Variants in GANC observed in about 807,000 individuals in gnomAD.
GANC encodes neutral alpha-glucosidase C.
A neutral mutation model predicts 124.2 loss-of-function variants in GANC; 117 were observed. The ratio of observed to expected loss-of-function variants is 0.94; its 90% confidence interval spans 0.81 to 1.10. The LOEUF (loss-of-function observed/expected upper bound fraction) is 1.10, where lower values mean the gene tolerates loss of function less well. Among genes scored for constraint, GANC ranks in the 50% least tolerant of loss-of-function variants. The pLI is 0.00. For missense variants in GANC, 1,140 were observed against 1,095.0 expected (o/e 1.04, Z -0.58); for synonymous variants, 377 against 376.8 (o/e 1.00, Z -0.01).
At chr15:42,296,695 C>G (rs758731131) in intron 5 of GANC, among the ~76,000 whole-genome samples, 26 of 152,002 alleles carry the variant, frequency 1.7e-4, no homozygotes, top group Non-Finnish European at 3.5e-4. Context: ...ACCCAGACTC[C>G]TTGGGGTTTT....
In GANC at chr15:42,273,539, C is replaced by A. The variant is rs1033931920; in HGVS notation, c.-943C>A. ...TTGTTTGCTGTGCGGCGTAGCGGCC[C>A]CTCTCTCAGACAGTCGTCTGTGCGC... On this transcript the variant is annotated 5_prime_UTR_variant, in exon 1 of 24. Coordinates refer to ENST00000318010, the MANE Select transcript of GANC (RefSeq NM_198141.3). 6 of 1,411,270 alleles carry A rather than the reference C, an allele frequency of 4.3e-6. No homozygotes were observed. The African/African-American group carries it at 4.3e-5, about 10-fold the overall frequency. 87.4% of individuals were successfully genotyped at this position (1,411,270 alleles called of 1,614,324 possible).
At position 42,345,784 on chromosome 15, in the gene GANC, T is replaced by C; in HGVS notation, c.2256T>C (p.Ala752=). The change falls in exon 20 of 24, where the codon GCT becomes GCC. Residue 752 remains alanine, a synonymous_variant. Transcript: ENST00000318010. ...TCTGGTATGACTATAAGACATTTGC[T>C]CATTGGGAAGGAGGGTGTACTGTAA... ...NEVWYDYKTF[A]HWEGGCTVKI... is the part of the protein sequence containing the mutation. 2 of 1,612,556 alleles carry C rather than the reference T, an allele frequency of 1.2e-6. No homozygotes were observed. Among genetic ancestry groups the C allele is most frequent in the Non-Finnish European group, 1.7e-6 (2 of 1,178,666 alleles).
intron 5 of GANC, among the ~76,000 whole-genome samples, chr15:42,296,644 T>C (rs917397158): frequency 2.0e-5 from 3 of 152,270 alleles, no homozygotes; most frequent in Non-Finnish European, 4.4e-5. Flanking sequence ...CTACCCGCAT[T>C]GGCCTCCCAA....
At chr15:42,305,023 G>T (rs1321832411) in intron 6 of GANC, among the ~76,000 whole-genome samples, 1 of 122,130 alleles carries the variant, frequency 8.2e-6, no homozygotes, top group Non-Finnish European at 1.7e-5. Flanking sequence ...GAAAACGTAG[G>T]CAATACCATT....
At chr15:42,343,750 G>A (rs1345531749) in intron 19 of GANC, among the ~76,000 whole-genome samples, 1 of 152,164 alleles carries the variant, frequency 6.6e-6, no homozygotes, top group Non-Finnish European at 1.5e-5. Flanking sequence ...CCAGCGGTCT[G>A]CAGGCAGAGA....
intron 8 of GANC, among the ~76,000 whole-genome samples, chr15:42,309,201 G>A (rs1234294188): frequency 6.6e-6 from 1 of 152,196 alleles, no homozygotes; most frequent in Non-Finnish European, 1.5e-5. Flanking sequence ...TTTCAGGTAG[G>A]CACAGTGGCA....
chr15:42,336,691 T>C (rs1236461746), intron 15 of GANC, among the ~76,000 whole-genome samples: 2 of 152,126 alleles, frequency 1.3e-5, no homozygotes, highest in Non-Finnish European at 2.9e-5. Context: ...ATAGAGTTAA[T>C]AGACAATCTA....
intron 6 of GANC, among the ~76,000 whole-genome samples, chr15:42,303,539 C>T (rs2051966115): frequency 6.6e-6 from 1 of 151,776 alleles, no homozygotes; most frequent in Non-Finnish European, 1.5e-5. Flanking sequence ...CTAAATATCC[C>T]AATTAAAAGA....
chr15:42,320,701 G>A (rs140077024), intron 10 of GANC, among the ~76,000 whole-genome samples: 4,685 of 150,632 alleles, frequency 0.031, 101 homozygotes, highest in Non-Finnish European at 0.047. Context: ...CACCCACCCC[G>A]GCCTCCCAAA....
intron 11 of GANC, among the ~76,000 whole-genome samples, chr15:42,324,418 A>G (rs115735926): frequency 0.011 from 1,665 of 152,272 alleles, 26 homozygotes; most frequent in African/African-American, 0.037. Context: ...TGATCCAGCA[A>G]TTCCACTTGT....
At chr15:42,307,325 T>C (rs2052007430) in intron 7 of GANC, among the ~76,000 whole-genome samples, 1 of 138,074 alleles carries the variant, frequency 7.2e-6, no homozygotes, top group Admixed American at 8.4e-5. Context: ...TGTAACATCA[T>C]CATCTTTTTA....
intron 11 of GANC, among the ~76,000 whole-genome samples, chr15:42,325,566 AAT>A (rs1268742081): frequency 6.6e-6 from 1 of 152,096 alleles, no homozygotes; most frequent in East Asian, 1.9e-4. Context: ...TAGTTTCTTT[AAT>A]GTTTGCTTAT....
chr15:42,318,020 A>G (rs568363549), intron 10 of GANC, among the ~76,000 whole-genome samples: 124 of 152,262 alleles, frequency 8.1e-4, no homozygotes, highest in African/African-American at 2.8e-3. Context: ...TCAATATTCA[A>G]TGTTTACATT....
chr15:42,327,710 A>G (rs1290990145), intron 13 of GANC, among the ~76,000 whole-genome samples: 1 of 152,172 alleles, frequency 6.6e-6, no homozygotes, highest in African/African-American at 2.4e-5. Flanking sequence ...GAGGTTTATT[A>G]TATTTTCAAA....
chr15:42,352,669 T>C lies in GANC; in HGVS notation c.*530T>C, dbSNP rs1470842658. 2 of 985,946 alleles carry C rather than the reference T, an allele frequency of 2.0e-6. No individual in the cohort carries two copies. The highest frequency in any genetic ancestry group is 2.4e-6 in the Non-Finnish European group (2 of 830,004). 61.1% of individuals were successfully genotyped at this position (985,946 alleles called of 1,614,324 possible). On this transcript the variant is annotated 3_prime_UTR_variant, in exon 24 of 24. Coordinates refer to ENST00000318010, the MANE Select transcript of GANC (RefSeq NM_198141.3). ...GCATACGCTGCAGCCGTGGGAGTTA[T>C]TCTCCCCTAGAGATCGACTTGGCAG...
chr15:42,297,568 A>C (rs2051903147), intron 5 of GANC, 43 bp from the exon 6 acceptor site: 7 of 1,509,266 alleles, frequency 4.6e-6, no homozygotes, highest in Non-Finnish European at 6.4e-6. Context: ...AAATTCTGTC[A>C]GTCTTGCCAT....
intron 4 of GANC, 85 bp downstream of exon 4, chr15:42,287,903 T>A: frequency 7.5e-7 from 1 of 1,325,196 alleles, no homozygotes; most frequent in Non-Finnish European, 1.0e-6. Context: ...TTATGTGCAC[T>A]TCTTATTTTG....
At chr15:42,303,301 A>C (rs2051963947) in intron 6 of GANC, among the ~76,000 whole-genome samples, 1 of 152,242 alleles carries the variant, frequency 6.6e-6, no homozygotes, top group Non-Finnish European at 1.5e-5. Context: ...AGACAAGCAA[A>C]TGCTGAGAGA....
intron 1 of GANC, among the ~76,000 whole-genome samples, chr15:42,275,378 A>C (rs954397296): frequency 6.6e-6 from 1 of 152,212 alleles, no homozygotes; most frequent in African/African-American, 2.4e-5. Context: ...TGTCTCAAAA[A>C]AAATTTTTTT....
Sources: gnomAD v4.1 joint callset for allele counts (sites outside exome capture counted in the v4.1 genomes callset) on GRCh38, gnomAD v4.1.1 for gene constraint, MANE v1.5 for transcripts, NCBI Gene and HGNC (gene_info 2026-07-23, HGNC 2026-07-21) for gene names.